NEBL: variants seen among roughly 807,000 people sequenced by gnomAD.
NEBL encodes nebulette.
Under a neutral mutation model 140.2 loss-of-function variants are expected in NEBL, and 122 were observed. The ratio of observed to expected loss-of-function variants is 0.87; its 90% CI spans 0.75 to 1.01. NEBL has a LOEUF of 1.01. Among genes scored for constraint, NEBL ranks in the 50% least tolerant of loss-of-function variants. The pLI is 0.00. For synonymous variants in NEBL, 436 were observed against 398.9 expected, an observed-to-expected ratio of 1.09 and a Z score of -1.11; for missense variants, 1,365 against 1,231.3, an observed-to-expected ratio of 1.11 and a Z score of -1.62.
chr10:21,147,995 T>A (rs965740961), intron 2 of NEBL, among the ~76,000 whole-genome samples: 23 of 152,222 alleles, frequency 1.5e-4, no homozygotes, highest in Non-Finnish European at 1.5e-5. Context: ...CTCTTCGTTA[T>A]CTTATGGAGT....
chr10:20,874,665 T>C (rs1178814047), intron 5 of NEBL, among the ~76,000 whole-genome samples: 1 of 152,216 alleles, frequency 6.6e-6, no homozygotes, highest in Non-Finnish European at 1.5e-5. Flanking sequence ...AATCTCATTT[T>C]TCACTTGCAC....
intron 3 of NEBL, among the ~76,000 whole-genome samples, chr10:20,982,073 C>T (rs1435721327): frequency 1.3e-5 from 2 of 152,178 alleles, no homozygotes. Context: ...TTTCATTTGC[C>T]AGGCTAAGAC....
chr10:20,851,877 T>C (rs1417311524), intron 10 of NEBL, among the ~76,000 whole-genome samples: 2 of 152,202 alleles, frequency 1.3e-5, no homozygotes, highest in East Asian at 1.9e-4. Context: ...GTTTCGTATA[T>C]TTTTAAAACC....
chr10:20,918,664 C>T (rs977871304), intron 4 of NEBL, among the ~76,000 whole-genome samples: 11 of 151,300 alleles, frequency 7.3e-5, no homozygotes, highest in South Asian at 2.1e-4. Flanking sequence ...CTGGCGAAGG[C>T]GGTGAAACCC....
intron 2 of NEBL, among the ~76,000 whole-genome samples, chr10:20,894,435 A>G (rs788967): frequency 0.85 from 128,689 of 151,408 alleles, 55,247 homozygotes; most frequent in South Asian, 0.92. Context: ...GTCACATGAC[A>G]GAACTCCAGC....
intron 3 of NEBL, among the ~76,000 whole-genome samples, chr10:21,221,017 G>C (rs12355581): frequency 6.6e-6 from 1 of 151,952 alleles, no homozygotes; most frequent in East Asian, 1.9e-4. Context: ...TTAGCCAGGC[G>C]TAGTGGCATG....
chr10:20,878,553 C>T (rs1449747088), intron 5 of NEBL, among the ~76,000 whole-genome samples: 1 of 152,166 alleles, frequency 6.6e-6, no homozygotes, highest in Admixed American at 6.5e-5. Context: ...AAGAGATGTA[C>T]TTTCAAGACC....
intron 1 of NEBL, among the ~76,000 whole-genome samples, chr10:21,280,619 C>T (rs1011390889): frequency 2.2e-4 from 22 of 98,102 alleles, no homozygotes; most frequent in Non-Finnish European, 2.8e-4. Flanking sequence ...TTTCTTTTTC[C>T]TTTTTTTTTT....
chr10:21,013,736 G>T (rs920297274), intron 3 of NEBL, among the ~76,000 whole-genome samples: 2 of 152,158 alleles, frequency 1.3e-5, no homozygotes, highest in Admixed American at 6.5e-5. Flanking sequence ...AAATTAGCTA[G>T]GCGTAGTGGT....
At chr10:20,831,161 A>G in intron 16 of NEBL, 35 bp downstream of exon 16, 2 of 1,397,486 alleles carry the variant, frequency 1.4e-6, no homozygotes, top group Admixed American at 1.7e-5. Flanking sequence ...TGACATTGGA[A>G]TACACGATTC....
chr10:20,911,245 C>G (rs1221818101), intron 4 of NEBL, among the ~76,000 whole-genome samples: 1 of 152,104 alleles, frequency 6.6e-6, no homozygotes, highest in Admixed American at 6.6e-5. Context: ...TCATAAAATA[C>G]TCATAAACTC....
intron 2 of NEBL, among the ~76,000 whole-genome samples, chr10:21,123,567 C>A (rs1017852477): frequency 6.6e-6 from 1 of 152,040 alleles, no homozygotes; most frequent in African/African-American, 2.4e-5. Flanking sequence ...TTTGAATTTA[C>A]TGATGTTATT....
chr10:20,851,092 T>C (rs1019523366), intron 10 of NEBL, among the ~76,000 whole-genome samples: 1 of 152,230 alleles, frequency 6.6e-6, no homozygotes, highest in East Asian at 1.9e-4. Context: ...AGTCTAATCC[T>C]CATCTTACTT....
chr10:20,850,863 C>A (rs1349383900), intron 10 of NEBL, among the ~76,000 whole-genome samples: 1 of 152,070 alleles, frequency 6.6e-6, no homozygotes, highest in Non-Finnish European at 1.5e-5. Context: ...AGAGAGAGAT[C>A]CTTGAGGTTG....
chr10:21,014,939 C>A (rs1343258331), intron 3 of NEBL, among the ~76,000 whole-genome samples: 1 of 152,194 alleles, frequency 6.6e-6, no homozygotes, highest in Non-Finnish European at 1.5e-5. Context: ...AAAGAATCAA[C>A]ATAGATTACA....
intron 2 of NEBL, among the ~76,000 whole-genome samples, chr10:21,249,786 G>T (rs560100247): frequency 1.3e-5 from 2 of 152,088 alleles, no homozygotes; most frequent in Non-Finnish European, 2.9e-5. Context: ...TTTCCTGGCT[G>T]GGTGCAGTGG....
At chr10:21,079,185 C>T (rs898691463) in intron 2 of NEBL, among the ~76,000 whole-genome samples, 1 of 152,146 alleles carries the variant, frequency 6.6e-6, no homozygotes, top group African/African-American at 2.4e-5. Flanking sequence ...TCCCATGGGA[C>T]ATGGCAAATC....
intron 3 of NEBL, among the ~76,000 whole-genome samples, chr10:20,995,490 G>A (rs1837632040): frequency 6.6e-6 from 1 of 152,132 alleles, no homozygotes; most frequent in Non-Finnish European, 1.5e-5. Context: ...AGATCCTCCA[G>A]TTCAGTGTAA....
At chr10:20,991,169 T>A (rs1395114740) in intron 3 of NEBL, among the ~76,000 whole-genome samples, 2 of 152,188 alleles carry the variant, frequency 1.3e-5, no homozygotes, top group African/African-American at 4.8e-5. Context: ...GTTCTAGACT[T>A]CATTCCTATT....
Sources: allele counts gnomAD v4.1 joint callset (sites outside exome capture counted in the v4.1 genomes callset), GRCh38; gene constraint gnomAD v4.1.1; transcripts MANE v1.5; gene names NCBI Gene and HGNC (gene_info 2026-07-23, HGNC 2026-07-21).